Variants in F5 observed in about 807,000 individuals in gnomAD.
The protein encoded by F5 is activated protein c cofactor.
A neutral mutation model predicts 216.4 loss-of-function variants in F5; 138 were observed. The ratio of observed to expected loss-of-function variants is 0.64; its 90% CI spans 0.56 to 0.73. The LOEUF (loss-of-function observed/expected upper bound fraction) is 0.73. Among genes scored for constraint, F5 ranks in the 30% least tolerant of loss-of-function variants. The pLI, the probability that F5 is intolerant of heterozygous loss-of-function variation, is 0.00. For synonymous variants in F5, 916 were observed against 930.7 expected, an observed-to-expected ratio of 0.98 and a Z score of 0.29; for missense variants, 2,403 against 2,674.0, an observed-to-expected ratio of 0.90 and a Z score of 2.24.
intron 1 of F5, among the ~76,000 whole-genome samples, chr1:169,584,715 A>G (rs1245613337): frequency 1.3e-5 from 2 of 152,226 alleles, no homozygotes; most frequent in African/African-American, 4.8e-5. Context: ...AGATATATGG[A>G]TTAGATTTTT....
chr1:169,523,146 T>C (rs1267687581), intron 21 of F5, 51 bp downstream of exon 21: 3 of 1,600,734 alleles, frequency 1.9e-6, no homozygotes, highest in Non-Finnish European at 1.7e-6. Context: ...TCATAATAAT[T>C]CTAGGCCAAG....
intron 23 of F5, among the ~76,000 whole-genome samples, chr1:169,517,996 T>C (rs1274351153): frequency 6.6e-6 from 1 of 152,198 alleles, no homozygotes; most frequent in Non-Finnish European, 1.5e-5. Flanking sequence ...GCCCGCTGCC[T>C]GTTTTTTGTA....
chr1:169,548,997 AGT>A (rs1358107866), intron 10 of F5, among the ~76,000 whole-genome samples: 3 of 152,222 alleles, frequency 2.0e-5, no homozygotes. Flanking sequence ...GCTCTGAATA[AGT>A]GCAAAGGATG....
Position 169,578,637 on chromosome 1 carries a change from C to G in F5, c.250+3794G>C, listed in dbSNP as rs74121721. Among the ~76,000 whole-genome samples, 642 of 152,298 alleles carry G rather than the reference C, an allele frequency of 4.2e-3. 5 individuals carry two copies. The highest frequency in any genetic ancestry group is 0.015 in the African/African-American group (606 of 41,546). Reference sequence around the variant, plus strand: ...TCCCACCTTATATTCCCTTCATCTACCTACAATTTAATTTAATTAAATAGT... The same window carrying G: ...TCCCACCTTATATTCCCTTCATCTAGCTACAATTTAATTTAATTAAATAGT... On this transcript the variant is annotated intron_variant, in intron 2 of 24. Transcript: ENST00000367797.
chr1:169,550,754 C>T lies in F5; in HGVS notation c.1297-15G>A, dbSNP rs116165809. ...TTGAACACGATCTACAAAGTTAAATCAAATTTATTCTAGGATTTAAGGTTG... is the reference window on the plus strand; with the variant it reads ...TTGAACACGATCTACAAAGTTAAATTAAATTTATTCTAGGATTTAAGGTTG... On this transcript the variant is annotated splice_polypyrimidine_tract_variant and intron_variant, in intron 8 of 24. Coordinates refer to ENST00000367797, the MANE Select transcript of F5 (RefSeq NM_000130.5). The T allele has an allele frequency of 4.0e-4, 623 of 1,563,750 alleles. 2 individuals are homozygous for T. The African/African-American group carries it at 6.9e-3, about 17-fold the overall frequency.
chr1:169,515,637 G>C lies in F5; in HGVS notation c.6346-11C>G, dbSNP rs779457427. On this transcript the variant is annotated splice_polypyrimidine_tract_variant and intron_variant, in intron 23 of 24. Coordinates refer to ENST00000367797, the MANE Select transcript of F5 (RefSeq NM_000130.5). The stretch of plus-strand genomic sequence containing the variant: ...CTTATTGTTGTTTGCCTATGAAAAT[G>C]ACAAAAACACATAGATAAGGAAGAT... 6.2e-7 allele frequency: 1 copy of C among 1,611,282 alleles called. No individual in the cohort carries two copies. Among genetic ancestry groups the C allele is most frequent in the Admixed American group, 1.7e-5 (1 of 59,874 alleles).
chr1:169,548,256 T>A (rs186082922), intron 10 of F5, among the ~76,000 whole-genome samples: 4 of 152,210 alleles, frequency 2.6e-5, no homozygotes, highest in Non-Finnish European at 5.9e-5. Flanking sequence ...GCTTAATACC[T>A]GGGTGATGAA....
rs768715252 is a variant in F5, at chr1:169,550,716, G to C, written c.1320C>G (p.Ser440Arg). The change falls in exon 9 of 25, where the codon AGC (serine) becomes AGG (arginine). Residue 440 changes from serine (S) to arginine (R), a missense_variant. By Grantham distance (110) the Ser-to-Arg change is moderately radical. Around this residue, in one of 4 missense-constraint regions of F5, gnomAD observed 1,425 missense variants for 1,554.8 expected, o/e 0.92. Coordinates refer to ENST00000367797, the MANE Select transcript of F5 (RefSeq NM_000130.5). Reference protein sequence around the residue: ...TLKIVFKNMASRPYSIYPHGV... With the variant: ...TLKIVFKNMARRPYSIYPHGV... ...CATGAGGGTAAATGCTATAGGGGCG[G>C]CTGGCCATATTTTTGAACACGATCT... is the stretch of plus-strand genomic sequence containing the variant. The C allele has an allele frequency of 1.9e-6, 3 of 1,613,538 alleles. No individual in the cohort carries two copies. In the African/African-American group the frequency reaches 4.0e-5, roughly 22 times the overall value.
intron 17 of F5, among the ~76,000 whole-genome samples, chr1:169,527,236 C>A (rs940162098): frequency 2.6e-5 from 4 of 152,162 alleles, no homozygotes. Flanking sequence ...AGAACAAAAT[C>A]CCTCTGCCTT....
chr1:169,525,906 T>A lies in F5; in HGVS notation c.5711A>T (p.Asp1904Val). The A allele has an allele frequency of 6.2e-7, 1 of 1,609,876 alleles. No homozygotes were observed. Among genetic ancestry groups the A allele is most frequent in the Non-Finnish European group, 8.5e-7 (1 of 1,176,294 alleles). ...AGMQTPFLIMDRDCRMPMGLS... is the reference protein window; with the variant it reads ...AGMQTPFLIMVRDCRMPMGLS... ...TCACATGGCTCTTGTGATACCTCTG[T>A]CCATGATAAGAAATGGCGTTTGCAT... The change falls in exon 18 of 25, where the codon GAC becomes GTC. Residue 1904 changes from aspartate (D) to valine (V), a missense_variant. Physicochemically the swap from Asp to Val is radical, Grantham distance 152 (BLOSUM62 -3). Around this residue, in one of 4 missense-constraint regions of F5, gnomAD observed 659 missense variants for 787.9 expected, o/e 0.84. Coordinates refer to ENST00000367797, the MANE Select transcript of F5 (RefSeq NM_000130.5).
chr1:169,549,634 CAAA>C (rs55717622), intron 10 of F5, among the ~76,000 whole-genome samples, 164 bp downstream of exon 10: 2 of 144,908 alleles, frequency 1.4e-5, no homozygotes, highest in Admixed American at 6.8e-5. Context: ...ATAGACAAGA[CAAA>C]AAAAAAAAAA....
chr1:169,563,138 A>G (rs1660519276), intron 3 of F5, among the ~76,000 whole-genome samples: 1 of 152,070 alleles, frequency 6.6e-6, no homozygotes, highest in African/African-American at 2.4e-5. Flanking sequence ...CACTTTAAAG[A>G]TGTCCCTAAT....
chr1:169,541,658 G>A lies in F5; in HGVS notation c.3432C>T (p.Pro1144=). ...GCTCTGGAGAAGAGGATCTGTGACTGGGGTCTGAAGTAGAGTGCATTTGAT... is the reference window on the plus strand; with the variant it reads ...GCTCTGGAGAAGAGGATCTGTGACTAGGGTCTGAAGTAGAGTGCATTTGAT... ...DPDQMHSTSD[P]SHRSSSPELS... The change falls in exon 13 of 25, where the codon CCC becomes CCT. Residue 1144 remains proline, a synonymous_variant. Transcript: ENST00000367797. 6.2e-7 allele frequency: 1 copy of A among 1,614,126 alleles called. No homozygotes were observed. Among genetic ancestry groups the A allele is most frequent in the Non-Finnish European group, 8.5e-7 (1 of 1,179,986 alleles).
Position 169,546,472 on chromosome 1 carries a change from G to C in F5, c.1732C>G (p.Pro578Ala), listed in dbSNP as rs761980727. 1 of 1,614,034 alleles carries C rather than the reference G, an allele frequency of 6.2e-7. No individual in the cohort carries two copies. The highest frequency in any genetic ancestry group is 8.5e-7 in the Non-Finnish European group (1 of 1,179,980). Reference protein sequence around the residue: ...ENPDEVKRDDPKFYESNIMST... With the variant: ...ENPDEVKRDDAKFYESNIMST... ...ATGATGTTTGATTCATAAAACTTGG[G>C]GTCATCACGTTTCACCTCATCAGGA... Residue 578 changes from proline to alanine, a missense_variant, in exon 11 of 25, where the codon CCC becomes GCC. This residue lies in a region of F5 where 1,425 missense variants were observed against 1,554.8 expected (regional missense o/e 0.92). Transcript: ENST00000367797.
At chr1:169,522,509 A>G (rs1400273861) in intron 21 of F5, among the ~76,000 whole-genome samples, 1 of 152,190 alleles carries the variant, frequency 6.6e-6, no homozygotes, top group Non-Finnish European at 1.5e-5. Context: ...TGGTTCTGAG[A>G]CATAGTATAA....
At chr1:169,550,051 C>T (rs1329643574) in intron 9 of F5, 36 bp from the exon 10 acceptor site, 1 of 1,509,312 alleles carries the variant, frequency 6.6e-7, no homozygotes, top group Admixed American at 1.7e-5. Context: ...TTTTCATTTG[C>T]AAAGTTATTT....
chr1:169,547,014 C>T (rs1660024154), intron 10 of F5, among the ~76,000 whole-genome samples: 1 of 150,986 alleles, frequency 6.6e-6, no homozygotes, highest in African/African-American at 2.4e-5. Flanking sequence ...GAAAATTAGC[C>T]AGGCATCGTG....
rs1452088971 is a variant in F5, at chr1:169,512,808, T to C, written c.*1505A>G. ...TATGGGCAACAGGTAACTCTGGTAG[T>C]TTCTAAAGATGCTCCCAGTGAATTA... On this transcript the variant is annotated 3_prime_UTR_variant, in exon 25 of 25. Coordinates refer to ENST00000367797, the MANE Select transcript of F5 (RefSeq NM_000130.5). Among the ~76,000 whole-genome samples, 1 of 152,092 alleles carries C rather than the reference T, an allele frequency of 6.6e-6. No homozygotes were observed. The highest frequency in any genetic ancestry group is 1.5e-5 in the Non-Finnish European group (1 of 67,990).
intron 5 of F5, 138 bp downstream of exon 5, chr1:169,559,015 A>AAAG (rs560298412): frequency 3.6e-5 from 34 of 937,050 alleles, no homozygotes; most frequent in Middle Eastern, 3.1e-4. Flanking sequence ...TAAAAAAAAA[A>AAAG]AGAGAAAATA....
Sources: gnomAD v4.1 joint callset for allele counts (sites outside exome capture counted in the v4.1 genomes callset) on GRCh38, gnomAD v4.1.1 for gene constraint, gnomAD v4.1.1 regional missense constraint, MANE v1.5 for transcripts, NCBI Gene and HGNC (gene_info 2026-07-23, HGNC 2026-07-21) for gene names.